The following EPDR1 variants were observed in gnomAD, a reference collection of about 807,000 sequenced individuals.
The protein encoded by EPDR1 is ependymin related 1.
Under a neutral mutation model 23.7 loss-of-function variants are expected in EPDR1, and 27 were observed. That is an observed-to-expected ratio of 1.14 (90% CI 0.84 to 1.57). EPDR1 has a LOEUF of 1.57. EPDR1 is among the 40% of genes most tolerant of loss of function. The pLI is 0.00. For synonymous variants in EPDR1, 137 were observed against 118.2 expected, an observed-to-expected ratio of 1.16 and a Z score of -1.03; for missense variants, 349 against 290.4, an observed-to-expected ratio of 1.20 and a Z score of -1.47.
chr7:37,921,440 A>T, intron 1 of EPDR1: 1 of 1,383,160 alleles, frequency 7.2e-7, no homozygotes, highest in Non-Finnish European at 9.3e-7. Flanking sequence ...ACACCCAGCG[A>T]GGCGGTGGCA....
At chr7:37,931,510 T>C (rs1032415116) in intron 1 of EPDR1, among the ~76,000 whole-genome samples, 1 of 147,722 alleles carries the variant, frequency 6.8e-6, no homozygotes, top group African/African-American at 2.5e-5. Context: ...CAAGACTCCA[T>C]AAAAAAATAA....
chr7:37,926,951 T>C (rs1785825577), intron 1 of EPDR1, among the ~76,000 whole-genome samples: 1 of 152,226 alleles, frequency 6.6e-6, no homozygotes, highest in Non-Finnish European at 1.5e-5. Flanking sequence ...TTGCTGTTCA[T>C]AATGTCCTAG....
intron 1 of EPDR1, among the ~76,000 whole-genome samples, chr7:37,928,365 C>T (rs1042273325): frequency 4.6e-5 from 7 of 151,328 alleles, no homozygotes; most frequent in Admixed American, 3.3e-4. Flanking sequence ...TATTTTCCCC[C>T]TTAACATTTT....
In EPDR1 at chr7:37,934,530, C is replaced by A. The variant is rs575202791; in HGVS notation, c.269+13322C>A. ...CAAACTTTCCTTTAGATCTTCAAAG[C>A]CAGAACCAGATACCTTTAGCTCTAA... On this transcript the variant is annotated intron_variant, in intron 1 of 2. Transcript: ENST00000199448. Among the ~76,000 whole-genome samples, 3 of 152,122 alleles carry A rather than the reference C, an allele frequency of 2.0e-5. No homozygotes were observed. In the East Asian group the frequency reaches 5.8e-4, roughly 29 times the overall value.
Position 37,949,040 on chromosome 7 carries a change from C to A in EPDR1, c.470C>A (p.Ala157Asp), listed in dbSNP as rs773925435. 19 of 1,614,042 alleles carry A rather than the reference C, an allele frequency of 1.2e-5. No homozygotes were observed. In the South Asian group the frequency reaches 2.0e-4, roughly 17 times the overall value. ...TVQEWSDRKSARSYETWIGIY... is the reference protein window; with the variant it reads ...TVQEWSDRKSDRSYETWIGIY... The stretch of plus-strand genomic sequence containing the variant: ...CAGGAGTGGTCGGACAGAAAGTCAG[C>A]TAGATCCTGTAAGGGTTCAAAGAAT... The change falls in exon 2 of 3, where the codon GCT (alanine) becomes GAT (aspartate). Residue 157 changes from alanine to aspartate, a missense_variant. Ala to Asp is a moderately radical substitution (Grantham distance 126, BLOSUM62 -2). Coordinates refer to ENST00000199448, the MANE Select transcript of EPDR1 (RefSeq NM_017549.5).
intron 1 of EPDR1, among the ~76,000 whole-genome samples, chr7:37,946,089 T>G (rs895833893): frequency 2.6e-4 from 40 of 152,388 alleles, no homozygotes; most frequent in Admixed American, 6.5e-4. Context: ...TATTCCATTG[T>G]GTATATGTAC....
intron 1 of EPDR1, chr7:37,921,560 T>G: frequency 5.2e-6 from 6 of 1,163,610 alleles, no homozygotes; most frequent in Non-Finnish European, 6.6e-6. Context: ...TGGAGCCCCC[T>G]GCAGTCTAGG....
chr7:37,939,554 C>T (rs1052448154), intron 1 of EPDR1, among the ~76,000 whole-genome samples: 2 of 152,086 alleles, frequency 1.3e-5, no homozygotes, highest in African/African-American at 4.8e-5. Context: ...AAACTGATGT[C>T]TTATTCTTCT....
At chr7:37,937,307 G>A (rs1001339244) in intron 1 of EPDR1, among the ~76,000 whole-genome samples, 3 of 152,080 alleles carry the variant, frequency 2.0e-5, no homozygotes, top group African/African-American at 7.2e-5. Flanking sequence ...AAAACATGAT[G>A]CATTCCTTTA....
intron 1 of EPDR1, among the ~76,000 whole-genome samples, chr7:37,945,279 G>T (rs1174410863): frequency 2.6e-5 from 4 of 152,064 alleles, no homozygotes; most frequent in Admixed American, 2.0e-4. Flanking sequence ...TAAAAAATTA[G>T]CTCCATTTTT....
rs767026961 is a variant in EPDR1 at position 37,920,788 on chromosome 7, G to A, written c.-152G>A. ...ACTCGCGCGTCCGGATCTCAAAAGCGGCAGAGGCCACCGAAGGGACAGGAA... is the reference window on the plus strand; with the variant it reads ...ACTCGCGCGTCCGGATCTCAAAAGCAGCAGAGGCCACCGAAGGGACAGGAA... On this transcript the variant is annotated 5_prime_UTR_variant, in exon 1 of 3. Coordinates refer to ENST00000199448, the MANE Select transcript of EPDR1 (RefSeq NM_017549.5). 2 of 1,610,070 alleles carry A rather than the reference G, an allele frequency of 1.2e-6. No individual in the cohort carries two copies. Among genetic ancestry groups the A allele is most frequent in the East Asian group, 2.2e-5 (1 of 44,736 alleles).
At chr7:37,921,905 T>C (rs771065383) in intron 1 of EPDR1, among the ~76,000 whole-genome samples, 10 of 152,250 alleles carry the variant, frequency 6.6e-5, no homozygotes, top group Non-Finnish European at 1.3e-4. Flanking sequence ...CTCCTATTTT[T>C]AATGGCTGCA....
chr7:37,947,225 C>T (rs1423425616), intron 1 of EPDR1, among the ~76,000 whole-genome samples: 1 of 152,158 alleles, frequency 6.6e-6, no homozygotes, highest in Non-Finnish European at 1.5e-5. Flanking sequence ...TGTTTAGATA[C>T]ATAAATGCTT....
intron 1 of EPDR1, among the ~76,000 whole-genome samples, chr7:37,936,775 C>T (rs1786062541): frequency 6.6e-6 from 1 of 151,896 alleles, no homozygotes; most frequent in African/African-American, 2.4e-5. Context: ...ATGTGCAAAC[C>T]TTGTATAGGA....
chr7:37,949,003 C>G lies in EPDR1; in HGVS notation c.433C>G (p.Gln145Glu). The change falls in exon 2 of 3, where the codon CAG (glutamine) becomes GAG (glutamate). Residue 145 changes from glutamine (Q) to glutamate (E), a missense_variant. Coordinates refer to ENST00000199448, the MANE Select transcript of EPDR1 (RefSeq NM_017549.5). Reference protein sequence around the residue: ...DQYSIGGPQEQITVQEWSDRK... With the variant: ...DQYSIGGPQEEITVQEWSDRK... Reference sequence around the variant, plus strand: ...GTACTCCATCGGGGGGCCTCAGGAGCAGATCACCGTCCAGGAGTGGTCGGA... The same window carrying G: ...GTACTCCATCGGGGGGCCTCAGGAGGAGATCACCGTCCAGGAGTGGTCGGA... 1 of 1,614,146 alleles carries G rather than the reference C, an allele frequency of 6.2e-7. No individual in the cohort carries two copies. Among genetic ancestry groups the G allele is most frequent in the South Asian group, 1.1e-5 (1 of 91,078 alleles).
chr7:37,943,677 A>T (rs1232291278), intron 1 of EPDR1, among the ~76,000 whole-genome samples: 1 of 152,268 alleles, frequency 6.6e-6, no homozygotes, highest in Non-Finnish European at 1.5e-5. Flanking sequence ...CATAACCTCA[A>T]TATCAGATGA....
chr7:37,940,165 T>C (rs1304332630), intron 1 of EPDR1, among the ~76,000 whole-genome samples: 1 of 152,200 alleles, frequency 6.6e-6, no homozygotes, highest in Non-Finnish European at 1.5e-5. Flanking sequence ...AAGGTCTATA[T>C]GGCATGCTAC....
intron 1 of EPDR1, among the ~76,000 whole-genome samples, chr7:37,944,301 G>A (rs2598096): frequency 0.62 from 93,738 of 151,978 alleles, 29,207 homozygotes; most frequent in East Asian, 0.77. Flanking sequence ...TTTACATGTG[G>A]TATGTCCAGC....
At position 37,938,527 on chromosome 7, in the gene EPDR1, A is replaced by G. The variant is rs145205919; in HGVS notation, c.270-10313A>G. 2.4e-3 allele frequency among the ~76,000 whole-genome samples: 362 copies of G among 152,344 alleles called. 2 individuals carry two copies. The highest frequency in any genetic ancestry group is 8.3e-3 in the African/African-American group (347 of 41,586). ...AACACTCTCATAATAAGAAGATGTT[A>G]TCATTCTTTGGCTTTTCAGAAGGCG... On this transcript the variant is annotated intron_variant, in intron 1 of 2. Coordinates refer to ENST00000199448, the MANE Select transcript of EPDR1 (RefSeq NM_017549.5).
Sources: allele counts gnomAD v4.1 joint callset (sites outside exome capture counted in the v4.1 genomes callset), GRCh38; gene constraint gnomAD v4.1.1; transcripts MANE v1.5; gene names NCBI Gene and HGNC (gene_info 2026-07-23, HGNC 2026-07-21).